Variants in CUL3 observed in about 807,000 individuals in gnomAD.
The protein encoded by CUL3 is cullin 3.
CUL3 carries 19 observed loss-of-function variants against 89.1 expected under a neutral mutation model. That is an observed-to-expected ratio of 0.21 (90% confidence interval 0.15 to 0.31). CUL3 has a LOEUF of 0.31. Ranked by LOEUF, CUL3 falls within the 10% of genes least tolerant of loss-of-function variation. The pLI, the probability that CUL3 is intolerant of heterozygous loss-of-function variation, is 1.00. For missense variants in CUL3, 469 were observed against 942.3 expected, an observed-to-expected ratio of 0.50 and a Z score of 6.58; for synonymous variants, 351 against 308.4, an observed-to-expected ratio of 1.14 and a Z score of -1.45.
intron 6 of CUL3, among the ~76,000 whole-genome samples, chr2:224,509,838 A>T (rs953194973): frequency 3.9e-5 from 6 of 152,244 alleles, no homozygotes; most frequent in African/African-American, 1.2e-4. Context: ...AAGCAGGGCA[A>T]ATGCTTTGCA....
chr2:224,532,668 C>A (rs1367729012), intron 3 of CUL3, among the ~76,000 whole-genome samples: 1 of 152,144 alleles, frequency 6.6e-6, no homozygotes. Flanking sequence ...ATGAATGACA[C>A]ACGACAGATC....
At chr2:224,511,627 A>G (rs1054211502) in intron 5 of CUL3, 45 bp from the exon 6 acceptor site, 1 of 1,166,284 alleles carries the variant, frequency 8.6e-7, no homozygotes, top group African/African-American at 1.6e-5. Context: ...AGAAGAAAAG[A>G]GTGTTTTTGC....
chr2:224,509,979 A>C (rs1210317786), intron 6 of CUL3, among the ~76,000 whole-genome samples: 1 of 152,196 alleles, frequency 6.6e-6, no homozygotes, highest in Admixed American at 6.5e-5. Flanking sequence ...TTAATGGCTG[A>C]GGAAAAACTG....
intron 9 of CUL3, 95 bp from the exon 10 acceptor site, chr2:224,503,167 C>T: frequency 1.2e-6 from 1 of 823,042 alleles, no homozygotes; most frequent in Middle Eastern, 2.4e-4. Context: ...TATTGCTATC[C>T]CTGATAATCT....
chr2:224,476,472 C>A (rs12614063), intron 15 of CUL3, among the ~76,000 whole-genome samples: 1 of 152,196 alleles, frequency 6.6e-6, no homozygotes, highest in Non-Finnish European at 1.5e-5. Context: ...TTTCAAATTT[C>A]TGACAATCCC....
intron 1 of CUL3, among the ~76,000 whole-genome samples, chr2:224,581,770 C>G (rs1038763384): frequency 3.3e-5 from 5 of 151,692 alleles, no homozygotes; most frequent in Admixed American, 1.3e-4. Context: ...TTGCCTCTCC[C>G]GAAGTGCTAG....
At position 224,485,030 on chromosome 2, in the gene CUL3, G is replaced by A. The variant is rs574591471; in HGVS notation, c.1843-2952C>T. On this transcript the variant is annotated intron_variant, in intron 13 of 15. Coordinates refer to ENST00000264414, the MANE Select transcript of CUL3 (RefSeq NM_003590.5). The surrounding 1 kb of genome is among the most constrained non-coding windows in gnomAD (Gnocchi z 4.1). ...TCACCTCACCTGGGAAGCACAAGGG[G>A]TCAGGGAACTCCCTCCCCTAGCCAA... Among the ~76,000 whole-genome samples the A allele has an allele frequency of 1.3e-5, 2 of 152,286 alleles. No homozygotes were observed. The highest frequency in any genetic ancestry group is 3.9e-4 in the East Asian group (2 of 5,180).
At chr2:224,509,030 T>C (rs1692714044) in intron 6 of CUL3, among the ~76,000 whole-genome samples, 2 of 152,040 alleles carry the variant, frequency 1.3e-5, no homozygotes, top group Admixed American at 6.5e-5. Flanking sequence ...CAATCCAATT[T>C]ATCCTCCATT....
Position 224,500,502 on chromosome 2 carries a change from AAG to A in CUL3, c.1486-17_1486-16del, listed in dbSNP as rs1247795841. ...CCTAAAGATACCTATGTAAAACAGAAAGAGATATTCCCCTCAAAATTAACTAG... is the reference window on the plus strand; with the variant it reads ...CCTAAAGATACCTATGTAAAACAGAAAGATATTCCCCTCAAAATTAACTAG... On this transcript the variant is annotated splice_polypyrimidine_tract_variant and intron_variant, in intron 10 of 15. Transcript: ENST00000264414. 8.1e-6 allele frequency: 13 copies of A among 1,612,688 alleles called. No individual in the cohort carries two copies. Among genetic ancestry groups the A allele is most frequent in the Non-Finnish European group, 1.1e-5 (13 of 1,179,008 alleles).
In CUL3 at chr2:224,485,886, CTCTGGG is replaced by C. The variant is rs1691702498; in HGVS notation, c.1843-3814_1843-3809del. On this transcript the variant is annotated intron_variant, in intron 13 of 15. Coordinates refer to ENST00000264414, the MANE Select transcript of CUL3 (RefSeq NM_003590.5). The surrounding 1 kb of genome is among the most constrained non-coding windows in gnomAD (Gnocchi z 4.1). ...TCCGGCTGGCATCTGGCAGGTGCCC[CTCTGGG>C]ACAAAGCTTCCAGAGGAAGGAGCAG... 6.6e-6 allele frequency among the ~76,000 whole-genome samples: 1 copy of C among 152,216 alleles called. No individual in the cohort carries two copies. The highest frequency in any genetic ancestry group is 2.4e-5 in the African/African-American group (1 of 41,452).
chr2:224,529,961 C>T (rs915078588), intron 3 of CUL3, among the ~76,000 whole-genome samples: 54 of 152,090 alleles, frequency 3.6e-4, no homozygotes, highest in Non-Finnish European at 1.5e-4. Context: ...TCAGCTAGGC[C>T]GGGCCTGTGG....
intron 2 of CUL3, among the ~76,000 whole-genome samples, chr2:224,538,769 A>G (rs1693983830): frequency 6.6e-6 from 1 of 152,250 alleles, no homozygotes; most frequent in Non-Finnish European, 1.5e-5. Context: ...GTAATGGAGA[A>G]CTGATGGCTG....
chr2:224,535,058 A>G lies in CUL3; in HGVS notation c.378+470T>C, dbSNP rs1308514080. ...TAAATAAATAAATAAATAAATAAATAAAGATTTTTATTCACATAGGCTTCG... is the reference window on the plus strand; with the variant it reads ...TAAATAAATAAATAAATAAATAAATGAAGATTTTTATTCACATAGGCTTCG... On this transcript the variant is annotated intron_variant, in intron 3 of 15. Transcript: ENST00000264414. Among the ~76,000 whole-genome samples the G allele has an allele frequency of 3.4e-5, 5 of 145,930 alleles. No individual in the cohort carries two copies. In the South Asian group the frequency reaches 1.1e-3, roughly 32 times the overall value.
At chr2:224,477,865 GAAA>G (rs1691381165) in intron 15 of CUL3, among the ~76,000 whole-genome samples, 1 of 152,182 alleles carries the variant, frequency 6.6e-6, no homozygotes, top group Non-Finnish European at 1.5e-5. Context: ...TTTGTAAAAT[GAAA>G]GCATTTAATG....
intron 3 of CUL3, among the ~76,000 whole-genome samples, chr2:224,517,691 T>C (rs2106230429): frequency 6.6e-6 from 1 of 152,288 alleles, no homozygotes; most frequent in Admixed American, 6.5e-5. Context: ...AGTGTACTTA[T>C]AAACACTCAT....
intron 7 of CUL3, among the ~76,000 whole-genome samples, chr2:224,506,567 G>A (rs963858722): frequency 2.0e-5 from 3 of 152,082 alleles, no homozygotes; most frequent in African/African-American, 7.2e-5. Context: ...ATATACTACA[G>A]TATACAAACA....
chr2:224,549,072 T>C (rs1694409321), intron 2 of CUL3, among the ~76,000 whole-genome samples: 1 of 152,130 alleles, frequency 6.6e-6, no homozygotes, highest in Admixed American at 6.5e-5. Flanking sequence ...CCCAACACTT[T>C]GGGAGGCCAA....
rs149843141 is a variant in CUL3 at position 224,582,511 on chromosome 2, T to C, written c.66+2433A>G. ...ACTTAGGAATGTTATTAATACTTATTAAACAGTAATGAAAAATTCTTTTAG... is the reference window on the plus strand; with the variant it reads ...ACTTAGGAATGTTATTAATACTTATCAAACAGTAATGAAAAATTCTTTTAG... On this transcript the variant is annotated intron_variant, in intron 1 of 15. Transcript: ENST00000264414. Among the ~76,000 whole-genome samples the C allele has an allele frequency of 3.9e-5, 6 of 152,346 alleles. No homozygotes were observed. In the East Asian group the frequency reaches 1.2e-3, roughly 29 times the overall value.
intron 14 of CUL3, among the ~76,000 whole-genome samples, chr2:224,480,499 T>A (rs1302591977): frequency 1.3e-5 from 2 of 152,230 alleles, no homozygotes; most frequent in Non-Finnish European, 2.9e-5. Flanking sequence ...GTTTTGAACA[T>A]ACCTAAAACA....
Sources: gnomAD v4.1 joint callset for allele counts (sites outside exome capture counted in the v4.1 genomes callset) on GRCh38, gnomAD v4.1.1 for gene constraint, Gnocchi (gnomAD v3.1) non-coding constraint, MANE v1.5 for transcripts, NCBI Gene and HGNC (gene_info 2026-07-23, HGNC 2026-07-21) for gene names.